Variants in PLEKHA7 observed in about 807,000 individuals in gnomAD.
PLEKHA7 encodes the protein pleckstrin homology domain containing A7, also known as pleckstrin homology domain-containing family A member 7.
A neutral mutation model predicts 170.0 loss-of-function variants in PLEKHA7; 104 were observed. The ratio of observed to expected loss-of-function variants is 0.61; its 90% CI spans 0.52 to 0.72. PLEKHA7 has a LOEUF of 0.72. Ranked by LOEUF, PLEKHA7 falls within the 30% of genes least tolerant of loss-of-function variation. The pLI, the probability that PLEKHA7 is intolerant of heterozygous loss-of-function variation, is 0.00. For missense variants in PLEKHA7, 1,615 were observed against 1,671.7 expected (o/e 0.97, Z 0.59); for synonymous variants, 648 against 660.8 (o/e 0.98, Z 0.30).
At chr11:16,899,131 G>A (rs1346660233) in intron 3 of PLEKHA7, among the ~76,000 whole-genome samples, 1 of 152,220 alleles carries the variant, frequency 6.6e-6, no homozygotes, top group Non-Finnish European at 1.5e-5. Context: ...CTCTTGGATG[G>A]TGTTTTCTAG....
chr11:16,792,870 C>T (rs1847956152), intron 19 of PLEKHA7, among the ~76,000 whole-genome samples: 1 of 152,186 alleles, frequency 6.6e-6, no homozygotes, highest in Non-Finnish European at 1.5e-5. Context: ...AACTCCTGGG[C>T]TCAAATGATC....
At chr11:16,959,624 T>C (rs1161546385) in intron 3 of PLEKHA7, among the ~76,000 whole-genome samples, 4 of 152,144 alleles carry the variant, frequency 2.6e-5, no homozygotes, top group African/African-American at 4.8e-5. Context: ...CCCAGGATAG[T>C]AACAGATGAG....
intron 3 of PLEKHA7, among the ~76,000 whole-genome samples, chr11:16,968,816 T>C (rs1235145177): frequency 6.6e-6 from 1 of 152,106 alleles, no homozygotes; most frequent in African/African-American, 2.4e-5. Context: ...CTTAACACTC[T>C]ATACACTGCA....
intron 4 of PLEKHA7, among the ~76,000 whole-genome samples, chr11:16,859,353 G>C (rs1267723155): frequency 3.9e-5 from 6 of 152,142 alleles, no homozygotes; most frequent in Non-Finnish European, 8.8e-5. Context: ...ATAACTACAA[G>C]TTATCTGGAA....
intron 3 of PLEKHA7, among the ~76,000 whole-genome samples, chr11:16,936,489 T>A (rs1455820985): frequency 6.7e-6 from 1 of 148,494 alleles, no homozygotes; most frequent in African/African-American, 2.5e-5. Flanking sequence ...GCCTAACAAA[T>A]TTGGAATCAA....
In PLEKHA7 at chr11:16,963,090, G is replaced by A. The variant is rs138388391; in HGVS notation, c.221+50899C>T. On this transcript the variant is annotated intron_variant, in intron 3 of 26. Coordinates refer to ENST00000531066, the MANE Select transcript of PLEKHA7 (RefSeq NM_001329630.2). ...GGCCTTCCACTCCTTGACCCAGGAT[G>A]TATCACGGAAAGACAAGGCCTTGTA... 8.3e-3 allele frequency among the ~76,000 whole-genome samples: 1,257 copies of A among 152,320 alleles called. 21 individuals carry two copies. Among genetic ancestry groups the A allele is most frequent in the African/African-American group, 0.029 (1,187 of 41,570 alleles).
intron 17 of PLEKHA7, chr11:16,795,390 G>C (rs1361824403): frequency 4.0e-6 from 1 of 249,248 alleles, no homozygotes; most frequent in East Asian, 9.2e-5. Flanking sequence ...GAAGAATGCA[G>C]AACTATTTAA....
At chr11:16,801,390 G>C (rs1848586744) in intron 16 of PLEKHA7, among the ~76,000 whole-genome samples, 1 of 152,194 alleles carries the variant, frequency 6.6e-6, no homozygotes, top group African/African-American at 2.4e-5. Flanking sequence ...ACAGATCAGG[G>C]GAACAGCCTT....
At position 16,821,867 on chromosome 11, in the gene PLEKHA7, G is replaced by A. The variant is rs573914527; in HGVS notation, c.1343+4253C>T. ...ATTCTTCACTTTTATTCACTTTCTA[G>A]CCCATTGAGATCTGCTTGCCCTACT... On this transcript the variant is annotated intron_variant, in intron 10 of 26. Transcript: ENST00000531066. Among the ~76,000 whole-genome samples the A allele has an allele frequency of 3.2e-4, 48 of 152,124 alleles. No homozygotes were observed. In the South Asian group the frequency reaches 9.8e-3, roughly 31 times the overall value.
chr11:16,889,263 A>G (rs1856436528), intron 3 of PLEKHA7, among the ~76,000 whole-genome samples: 1 of 151,700 alleles, frequency 6.6e-6, no homozygotes, highest in African/African-American at 2.4e-5. Flanking sequence ...TCTGCTAACA[A>G]TAGATGACCA....
intron 6 of PLEKHA7, among the ~76,000 whole-genome samples, chr11:16,853,337 A>C (rs1456596193): frequency 2.6e-5 from 4 of 152,272 alleles, no homozygotes; most frequent in Non-Finnish European, 4.4e-5. Context: ...AAATGCTAAA[A>C]GCAAATGTAA....
chr11:16,835,481 T>C (rs1344972231), intron 9 of PLEKHA7, among the ~76,000 whole-genome samples: 3 of 152,114 alleles, frequency 2.0e-5, no homozygotes, highest in African/African-American at 7.2e-5. Context: ...AGACTCATCA[T>C]TGAGATCTAG....
chr11:17,009,270 G>A (rs535983713), intron 3 of PLEKHA7, among the ~76,000 whole-genome samples: 36 of 152,220 alleles, frequency 2.4e-4, no homozygotes, highest in Middle Eastern at 3.4e-3. Flanking sequence ...GAAGAATGGG[G>A]ATGATTCTTC....
chr11:16,907,595 C>T (rs1462556505), intron 3 of PLEKHA7, among the ~76,000 whole-genome samples: 8 of 123,876 alleles, frequency 6.5e-5, no homozygotes, highest in African/African-American at 1.7e-4. Flanking sequence ...CCAGCCGCCC[C>T]GTCCGGGAGG....
chr11:16,810,173 A>G lies in PLEKHA7; in HGVS notation c.2007+2940T>C, dbSNP rs143344183. On this transcript the variant is annotated intron_variant, in intron 13 of 26. Coordinates refer to ENST00000531066, the MANE Select transcript of PLEKHA7 (RefSeq NM_001329630.2). ...AATTAGTATATTCCCTTTTCGACTTAGCATGTTGCTTTGGGTTTTAGATAC... is the reference window on the plus strand; with the variant it reads ...AATTAGTATATTCCCTTTTCGACTTGGCATGTTGCTTTGGGTTTTAGATAC... Among the ~76,000 whole-genome samples the G allele has an allele frequency of 4.1e-4, 63 of 152,362 alleles. 1 individual carries two copies. The highest frequency in any genetic ancestry group is 1.4e-3 in the African/African-American group (58 of 41,588).
At chr11:16,910,817 T>TACA (rs915343531) in intron 3 of PLEKHA7, among the ~76,000 whole-genome samples, 3 of 152,244 alleles carry the variant, frequency 2.0e-5, no homozygotes, top group African/African-American at 7.2e-5. Context: ...AAAGATGGAC[T>TACA]ACACTTTGCA....
chr11:16,802,438 C>A (rs1848656842), intron 15 of PLEKHA7, among the ~76,000 whole-genome samples: 2 of 152,188 alleles, frequency 1.3e-5, no homozygotes. Flanking sequence ...AGCTCCTCTC[C>A]CAGGCTCACC....
In PLEKHA7 at chr11:16,794,947, C is replaced by T; in HGVS notation, c.2481G>A (p.Glu827=). The change falls in exon 18 of 27, where the codon GAG becomes GAA. Residue 827 remains glutamate, a synonymous_variant. Transcript: ENST00000531066. The part of the protein sequence containing the change: ...DVTAGLSANK[E]NFRILVESVK... ...CTGACTCCACTAGAATTCTGAAGTTCTCTTTATTTGCACTCAGGCCTGCAG... is the reference window on the plus strand; with the variant it reads ...CTGACTCCACTAGAATTCTGAAGTTTTCTTTATTTGCACTCAGGCCTGCAG... 6.2e-7 allele frequency: 1 copy of T among 1,613,098 alleles called. No homozygotes were observed. The highest frequency in any genetic ancestry group is 8.5e-7 in the Non-Finnish European group (1 of 1,179,568).
chr11:16,950,500 C>CTT lies in PLEKHA7; in HGVS notation c.221+63487_221+63488dup, dbSNP rs35252481. Among the ~76,000 whole-genome samples, 883 of 145,364 alleles carry CTT rather than the reference C, an allele frequency of 6.1e-3. 17 individuals are homozygous for CTT. The highest frequency in any genetic ancestry group is 0.018 in the East Asian group (87 of 4,922). The stretch of plus-strand genomic sequence containing the variant: ...TCCTCTCCTTTGGGAAGAGATAAGA[C>CTT]TTTTTTTTTTTTTTTCATAAAAGGA... On this transcript the variant is annotated intron_variant, in intron 3 of 26. Coordinates refer to ENST00000531066, the MANE Select transcript of PLEKHA7 (RefSeq NM_001329630.2).
Sources: allele counts gnomAD v4.1 joint callset (sites outside exome capture counted in the v4.1 genomes callset), GRCh38; gene constraint gnomAD v4.1.1; transcripts MANE v1.5; gene names NCBI Gene and HGNC (gene_info 2026-07-23, HGNC 2026-07-21).